Variants in RGS6 observed in about 807,000 individuals in gnomAD.
RGS6 encodes regulator of G-protein signaling 6.
Under a neutral mutation model 78.5 loss-of-function variants are expected in RGS6, and 30 were observed. The ratio of observed to expected loss-of-function variants is 0.38; its 90% CI spans 0.29 to 0.52. The LOEUF (loss-of-function observed/expected upper bound fraction) is 0.52, where lower values mean the gene tolerates loss of function less well. RGS6 is among the 20% of genes least tolerant of loss of function. The pLI, the probability that RGS6 is intolerant of heterozygous loss-of-function variation, is 0.85. For missense variants in RGS6, 495 were observed against 609.7 expected (o/e 0.81, Z 1.98); for synonymous variants, 206 against 206.0 (o/e 1.00, Z 0.00).
intron 14 of RGS6, among the ~76,000 whole-genome samples, chr14:72,512,247 A>G (rs909228254): frequency 6.6e-6 from 1 of 152,186 alleles, no homozygotes; most frequent in Non-Finnish European, 1.5e-5. Flanking sequence ...AGAATGACCC[A>G]GAGTTTGGTC....
At chr14:72,627,419 A>T in the RGS6 span, among the ~76,000 whole-genome samples, 4 of 152,096 alleles carry the variant, frequency 2.6e-5, no homozygotes, top group South Asian at 2.1e-4. Flanking sequence ...TCTCTGACCC[A>T]GTAATTTTAG....
chr14:71,918,132 G>GATC, the RGS6 span, among the ~76,000 whole-genome samples: 4 of 133,920 alleles, frequency 3.0e-5, no homozygotes, highest in African/African-American at 1.1e-4. Context: ...AGTGAGCCGA[G>GATC]ATCGTGCCAC....
At chr14:72,309,620 A>G (rs973898772) in intron 2 of RGS6, among the ~76,000 whole-genome samples, 7 of 152,266 alleles carry the variant, frequency 4.6e-5, no homozygotes, top group African/African-American at 1.4e-4. Context: ...CTTACTTGAT[A>G]AATATAGTTT....
At chr14:72,525,124 T>A (rs989825812) in intron 15 of RGS6, among the ~76,000 whole-genome samples, 37 of 152,270 alleles carry the variant, frequency 2.4e-4, no homozygotes, top group Non-Finnish European at 8.8e-5. Flanking sequence ...AGCTAAATGC[T>A]GATAATTCAT....
At chr14:72,539,663 G>T (rs2097295310) in intron 16 of RGS6, among the ~76,000 whole-genome samples, 1 of 152,158 alleles carries the variant, frequency 6.6e-6, no homozygotes, top group Admixed American at 6.5e-5. Context: ...CAACCACCAG[G>T]GCTCCTGCCT....
At chr14:72,237,142 T>C (rs2051296824) in intron 2 of RGS6, among the ~76,000 whole-genome samples, 1 of 152,214 alleles carries the variant, frequency 6.6e-6, no homozygotes, top group Non-Finnish European at 1.5e-5. Context: ...GCAGCACATT[T>C]TTGAAATTCA....
At chr14:72,378,593 A>C (rs2085315597) in intron 3 of RGS6, among the ~76,000 whole-genome samples, 1 of 152,154 alleles carries the variant, frequency 6.6e-6, no homozygotes, top group African/African-American at 2.4e-5. Flanking sequence ...TTAAAAACCT[A>C]GAGGAAATAA....
rs531283459 is a variant in RGS6 at position 72,346,819 on chromosome 14, A to G, written c.85-5276A>G. ...GCCCCTCTGCGGCTTCCATTTGTAA[A>G]GAGAGGATTGCTTCTCCTCACTCCT... On this transcript the variant is annotated intron_variant, in intron 2 of 17. Transcript: ENST00000553525. Among the ~76,000 whole-genome samples the G allele has an allele frequency of 2.6e-5, 4 of 152,308 alleles. No individual in the cohort carries two copies. The East Asian group carries it at 5.8e-4, about 22-fold the overall frequency.
chr14:72,080,987 C>T (rs2094798496), intron 2 of RGS6, among the ~76,000 whole-genome samples: 1 of 151,956 alleles, frequency 6.6e-6, no homozygotes, highest in African/African-American at 2.4e-5. Context: ...CTCAAGATTG[C>T]TTGGCTCTTT....
intron 2 of RGS6, among the ~76,000 whole-genome samples, chr14:72,061,185 G>T (rs376045059): frequency 6.6e-6 from 1 of 152,214 alleles, no homozygotes; most frequent in Non-Finnish European, 1.5e-5. Flanking sequence ...CACAGTGTTT[G>T]TGAAAGCGAG....
intron 2 of RGS6, among the ~76,000 whole-genome samples, chr14:71,975,473 T>G (rs764267826): frequency 8.5e-5 from 13 of 152,094 alleles, no homozygotes; most frequent in Non-Finnish European, 1.9e-4. Context: ...GATTCTTTTT[T>G]TTTTTGATGG....
chr14:72,497,940 A>T (rs1328188161), intron 13 of RGS6, among the ~76,000 whole-genome samples: 1 of 151,824 alleles, frequency 6.6e-6, no homozygotes, highest in Non-Finnish European at 1.5e-5. Flanking sequence ...TACATCTTTT[A>T]TATTTTCTCT....
intron 15 of RGS6, among the ~76,000 whole-genome samples, chr14:72,525,517 C>T (rs1239792101): frequency 6.6e-6 from 1 of 152,186 alleles, no homozygotes; most frequent in Non-Finnish European, 1.5e-5. Flanking sequence ...CATGAGCAGA[C>T]AAGAAGCCTC....
chr14:72,596,964 C>A, the RGS6 span, among the ~76,000 whole-genome samples: 3 of 152,292 alleles, frequency 2.0e-5, no homozygotes, highest in Non-Finnish European at 4.4e-5. Flanking sequence ...AGAGGCCAGG[C>A]ACGGTGGCTC....
At chr14:72,183,263 C>A (rs1377379212) in intron 2 of RGS6, among the ~76,000 whole-genome samples, 1 of 152,178 alleles carries the variant, frequency 6.6e-6, no homozygotes, top group Non-Finnish European at 1.5e-5. Context: ...TAGGTAATTG[C>A]ATTGTAATAC....
intron 2 of RGS6, among the ~76,000 whole-genome samples, chr14:72,204,195 CTATT>C (rs2042217068): frequency 6.6e-6 from 1 of 152,180 alleles, no homozygotes; most frequent in Non-Finnish European, 1.5e-5. Context: ...ACCATCACCA[CTATT>C]TATTTCTAAA....
chr14:71,877,017 A>G, the RGS6 span, among the ~76,000 whole-genome samples: 1 of 152,170 alleles, frequency 6.6e-6, no homozygotes, highest in East Asian at 1.9e-4. Context: ...ACTCTCTTCC[A>G]CCTTGTAGAG....
At chr14:72,430,628 C>T (rs1423231963) in intron 3 of RGS6, among the ~76,000 whole-genome samples, 3 of 152,224 alleles carry the variant, frequency 2.0e-5, no homozygotes, top group Non-Finnish European at 4.4e-5. Flanking sequence ...AAAGCCTTCT[C>T]TCCTAGAGCC....
At position 72,114,177 on chromosome 14, in the gene RGS6, G is replaced by A. The variant is rs1684129728; in HGVS notation, c.84+149302G>A. Among the ~76,000 whole-genome samples the A allele has an allele frequency of 2.6e-5, 4 of 152,312 alleles. No individual in the cohort carries two copies. The South Asian group carries it at 8.3e-4, about 32-fold the overall frequency. ...TATAAGTGTGTGTGTCAGACAGAGAGAGAGGTGCAAAATAGAAGCACGCCT... is the reference window on the plus strand; with the variant it reads ...TATAAGTGTGTGTGTCAGACAGAGAAAGAGGTGCAAAATAGAAGCACGCCT... On this transcript the variant is annotated intron_variant, in intron 2 of 17. Transcript: ENST00000553525.
Sources: allele counts gnomAD v4.1 joint callset (sites outside exome capture counted in the v4.1 genomes callset), GRCh38; gene constraint gnomAD v4.1.1; transcripts MANE v1.5; gene names NCBI Gene and HGNC (gene_info 2026-07-23, HGNC 2026-07-21).